CTSO: variants seen among roughly 807,000 people sequenced by gnomAD.
CTSO encodes cathepsin O.
A neutral mutation model predicts 42.4 loss-of-function variants in CTSO; 40 were observed. The ratio of observed to expected loss-of-function variants is 0.94; its 90% confidence interval spans 0.73 to 1.23. The LOEUF is 1.23. Among genes scored for constraint, CTSO ranks in the 50% most tolerant of loss-of-function variants. CTSO has a pLI of 0.00. For synonymous variants in CTSO, 156 were observed against 146.2 expected (o/e 1.07, Z -0.48); for missense variants, 441 against 396.0 (o/e 1.11, Z -0.96).
In CTSO at chr4:155,937,609, CT is replaced by C. The variant is rs796384202; in HGVS notation, c.553-127del. 2.2e-3 allele frequency: 1,809 copies of C among 814,454 alleles called. 1 individual carries two copies. Among genetic ancestry groups the C allele is most frequent in the African/African-American group, 3.1e-3 (175 of 55,792 alleles). 50.5% of individuals were successfully genotyped at this position (814,454 alleles called of 1,614,324 possible). A position where few individuals can be genotyped will look rare whatever the true frequency, so the allele number is the denominator to read the frequency against. On this transcript the variant is annotated intron_variant, in intron 4 of 7. Coordinates refer to ENST00000433477, the MANE Select transcript of CTSO (RefSeq NM_001334.3). ...TCATCATGTGGATATACTTTGCGTT[CT>C]TTTTTTTTTCTTTTTCTTTTTTGAG...
intron 1 of CTSO, among the ~76,000 whole-genome samples, chr4:155,945,638 G>C (rs1345524634): frequency 1.3e-5 from 2 of 152,138 alleles, no homozygotes; most frequent in African/African-American, 4.8e-5. Flanking sequence ...AAGGGAATAC[G>C]CTGCAACTTA....
At chr4:155,940,395 C>CA (rs34503036) in intron 3 of CTSO, among the ~76,000 whole-genome samples, 54,659 of 145,268 alleles carry the variant, frequency 0.38, 10,879 homozygotes, top group East Asian at 0.71. Context: ...AGAGTTAGAC[C>CA]AAAAAAAAAA....
At chr4:155,938,613 G>A (rs547635263) in intron 4 of CTSO, among the ~76,000 whole-genome samples, 1 of 151,888 alleles carries the variant, frequency 6.6e-6, no homozygotes, top group Admixed American at 6.6e-5. Flanking sequence ...CACTTCTCAG[G>A]CTTCATTTCT....
intron 5 of CTSO, among the ~76,000 whole-genome samples, chr4:155,934,939 T>C (rs1198093384): frequency 6.6e-6 from 1 of 152,154 alleles, no homozygotes; most frequent in Non-Finnish European, 1.5e-5. Context: ...TGATTGGTTT[T>C]GAAATGTGAA....
chr4:155,951,929 G>A (rs553688644), intron 1 of CTSO, among the ~76,000 whole-genome samples: 1 of 152,194 alleles, frequency 6.6e-6, no homozygotes, highest in East Asian at 1.9e-4. Flanking sequence ...TGGAAAAAAT[G>A]TCTTCCATGA....
rs1256833903 is a variant in CTSO at position 155,929,764 on chromosome 4, G to A, written c.675-59C>T. On this transcript the variant is annotated intron_variant, in intron 5 of 7. Coordinates refer to ENST00000433477, the MANE Select transcript of CTSO (RefSeq NM_001334.3). ...TAGTTTTTAAGGTAAAAATAACAAT[G>A]ATCTATATAATCTGTGTATGATTCT... is the stretch of plus-strand genomic sequence containing the variant. 147 of 1,488,618 alleles carry A rather than the reference G, an allele frequency of 9.9e-5. No individual in the cohort carries two copies. In the African/African-American group the frequency reaches 1.4e-3, roughly 14 times the overall value. 92.2% of individuals were successfully genotyped at this position (1,488,618 alleles called of 1,614,324 possible).
intron 5 of CTSO, 85 bp from the exon 6 acceptor site, chr4:155,929,790 G>A (rs1743202687): frequency 7.6e-7 from 1 of 1,315,400 alleles, no homozygotes; most frequent in Admixed American, 2.4e-5. Context: ...GTATGATTCT[G>A]AGTAGGTTTG....
At chr4:155,937,534 C>T (rs755745417) in intron 4 of CTSO, 51 bp from the exon 5 acceptor site, 2 of 1,560,428 alleles carry the variant, frequency 1.3e-6, no homozygotes, top group Non-Finnish European at 1.8e-6. Context: ...TTTTATAAAT[C>T]AAATAGAACT....
chr4:155,952,757 T>G (rs1743699319), intron 1 of CTSO, among the ~76,000 whole-genome samples: 1 of 152,200 alleles, frequency 6.6e-6, no homozygotes, highest in Non-Finnish European at 1.5e-5. Context: ...TGAAATCCTG[T>G]GAGAAATTCC....
At chr4:155,936,466 C>G (rs576163476) in intron 5 of CTSO, among the ~76,000 whole-genome samples, 24 of 152,250 alleles carry the variant, frequency 1.6e-4, no homozygotes, top group Non-Finnish European at 2.6e-4. Flanking sequence ...GATTCTGTTA[C>G]CTTATCCAAA....
rs1475567225 is a variant in CTSO at position 155,939,396 on chromosome 4, A to G, written c.527T>C (p.Leu176Pro). ...CTTGTTTAACCAGTTCAAAGCATTG[A>G]GAGTAGAGCCTCCATTGCAGCCATA... ...NNYGCNGGST[L>P]NALNWLNKMQ... is the part of the protein sequence containing the mutation. The change falls in exon 4 of 8, where the codon CTC becomes CCC. Residue 176 changes from leucine (L) to proline (P), a missense_variant. Transcript: ENST00000433477. 1 of 1,613,642 alleles carries G rather than the reference A, an allele frequency of 6.2e-7. No individual in the cohort carries two copies. The highest frequency in any genetic ancestry group is 1.1e-5 in the South Asian group (1 of 91,000).
intron 4 of CTSO, among the ~76,000 whole-genome samples, chr4:155,938,181 C>T (rs962676971): frequency 6.6e-6 from 1 of 152,104 alleles, no homozygotes; most frequent in Non-Finnish European, 1.5e-5. Context: ...ACGGTTAGGT[C>T]AAGCATTCTT....
rs2110944661 is a variant in CTSO at position 155,953,808 on chromosome 4, A to G, written c.40T>C (p.Trp14Arg). 1 of 1,348,976 alleles carries G rather than the reference A, an allele frequency of 7.4e-7. No homozygotes were observed. The highest frequency in any genetic ancestry group is 9.5e-7 in the Non-Finnish European group (1 of 1,047,356). 83.6% of individuals were successfully genotyped at this position (1,348,976 alleles called of 1,614,324 possible). Residue 14 changes from tryptophan (W) to arginine (R), a missense_variant, in exon 1 of 8, where the codon TGG (tryptophan) becomes CGG (arginine). Physicochemically the swap from Trp to Arg is moderately radical, Grantham distance 101. Coordinates refer to ENST00000433477, the MANE Select transcript of CTSO (RefSeq NM_001334.3). ...RALPWLPWLL[W>R]LLCRGGGDAD... ...TCGCCGCCGCCCCGGCACAGCAGCC[A>G]CAGCAGCCACGGCAGCCACGGCAGC...
Position 155,953,841 on chromosome 4 carries a change from C to T in CTSO, c.7G>A (p.Val3Met). ...CACGGCAGCCACGGCAGCGCCCGCA[C>T]GTCCATTGCGGCGCCCGGCTCCTCT... MD[V>M]RALPWLPWLL... is the part of the protein sequence containing the mutation. The change falls in exon 1 of 8, where the codon GTG (valine) becomes ATG (methionine). Residue 3 changes from valine (V) to methionine (M), a missense_variant. Physicochemically the swap from Val to Met is conservative, Grantham distance 21. Coordinates refer to ENST00000433477, the MANE Select transcript of CTSO (RefSeq NM_001334.3). The T allele has an allele frequency of 4.7e-6, 6 of 1,288,790 alleles. No individual in the cohort carries two copies. In the South Asian group the frequency reaches 1.5e-4, roughly 33 times the overall value. The allele number at this position is 1,288,790 out of a possible 1,614,324, so 79.8% of individuals were successfully genotyped here. A position where few individuals can be genotyped will look rare whatever the true frequency, so the allele number is the denominator to read the frequency against.
intron 1 of CTSO, among the ~76,000 whole-genome samples, chr4:155,950,145 G>A (rs1470749942): frequency 2.0e-5 from 3 of 152,204 alleles, no homozygotes; most frequent in African/African-American, 7.2e-5. Flanking sequence ...GTCAGGATTT[G>A]TGTGAGCATG....
chr4:155,930,398 G>A (rs180982004), intron 5 of CTSO, among the ~76,000 whole-genome samples: 7 of 152,264 alleles, frequency 4.6e-5, no homozygotes, highest in East Asian at 1.9e-4. Context: ...TAGGATGCCC[G>A]GAGAACTAGG....
chr4:155,933,068 C>A (rs191297537), intron 5 of CTSO, among the ~76,000 whole-genome samples: 2 of 152,186 alleles, frequency 1.3e-5, no homozygotes, highest in East Asian at 3.9e-4. Context: ...ACACCCTGCT[C>A]TAAGGCCACT....
At chr4:155,936,569 T>C (rs1417725550) in intron 5 of CTSO, among the ~76,000 whole-genome samples, 1 of 152,220 alleles carries the variant, frequency 6.6e-6, no homozygotes, top group African/African-American at 2.4e-5. Flanking sequence ...TGGGTCTCCC[T>C]TTGTCCTTTT....
Position 155,937,498 on chromosome 4 carries a change from T to C in CTSO, c.553-15A>G, listed in dbSNP as rs753881437. On this transcript the variant is annotated splice_polypyrimidine_tract_variant and intron_variant, in intron 4 of 7. Coordinates refer to ENST00000433477, the MANE Select transcript of CTSO (RefSeq NM_001334.3). ...TTTACTTGCATCTAAAAGAAAACAA[T>C]CACTGAACATGTTTACTGTCAATTG... 6.2e-7 allele frequency: 1 copy of C among 1,610,188 alleles called. No individual in the cohort carries two copies. The highest frequency in any genetic ancestry group is 8.5e-7 in the Non-Finnish European group (1 of 1,177,050).
Sources: allele counts gnomAD v4.1 joint callset (sites outside exome capture counted in the v4.1 genomes callset), GRCh38; gene constraint gnomAD v4.1.1; transcripts MANE v1.5; gene names NCBI Gene and HGNC (gene_info 2026-07-23, HGNC 2026-07-21).